THSD7B: variants seen among roughly 807,000 people sequenced by gnomAD.
THSD7B encodes the protein thrombospondin type-1 domain-containing protein 7B.
THSD7B carries 138 observed loss-of-function variants against 213.6 expected under a neutral mutation model. That is an observed-to-expected ratio of 0.65 (90% CI 0.56 to 0.74). The LOEUF (loss-of-function observed/expected upper bound fraction) is 0.74. Among genes scored for constraint, THSD7B ranks in the 30% least tolerant of loss-of-function variants. The probability of loss-of-function intolerance (pLI) is 0.00; values close to 1 mark genes in which losing one functional copy is unlikely to be tolerated. For missense variants in THSD7B, 1,931 were observed against 1,991.5 expected (o/e 0.97, Z 0.58); for synonymous variants, 742 against 687.0 (o/e 1.08, Z -1.25).
intron 1 of THSD7B, among the ~76,000 whole-genome samples, chr2:136,795,177 A>C (rs888358467): frequency 3.3e-5 from 5 of 152,002 alleles, no homozygotes; most frequent in African/African-American, 1.2e-4. Context: ...TAGGAGTCCA[A>C]AATGGCTCTC....
intron 15 of THSD7B, among the ~76,000 whole-genome samples, chr2:137,524,872 T>C (rs1680251417): frequency 6.6e-6 from 1 of 152,212 alleles, no homozygotes; most frequent in Non-Finnish European, 1.5e-5. Flanking sequence ...ATTTTGAATG[T>C]CATCACTGCT....
intron 2 of THSD7B, among the ~76,000 whole-genome samples, chr2:136,908,095 T>C (rs536812106): frequency 6.6e-6 from 1 of 152,326 alleles, no homozygotes; most frequent in Admixed American, 6.5e-5. Flanking sequence ...CTTCATTTTT[T>C]TAATAGTTTT....
At chr2:137,415,917 C>G (rs938175630) in intron 14 of THSD7B, among the ~76,000 whole-genome samples, 33 of 152,108 alleles carry the variant, frequency 2.2e-4, no homozygotes, top group African/African-American at 7.7e-4. Context: ...TATATATTTA[C>G]TTTTTAGAAA....
chr2:136,916,158 C>G (rs1684344898), intron 2 of THSD7B, among the ~76,000 whole-genome samples: 1 of 152,104 alleles, frequency 6.6e-6, no homozygotes, highest in Non-Finnish European at 1.5e-5. Context: ...CCACTACTAG[C>G]TACCACACAC....
intron 12 of THSD7B, among the ~76,000 whole-genome samples, chr2:137,375,068 A>T (rs1283254674): frequency 2.0e-5 from 3 of 152,226 alleles, no homozygotes; most frequent in Non-Finnish European, 4.4e-5. Context: ...ATCTCATTAC[A>T]GGTCCAATTA....
At chr2:136,959,586 T>C (rs1685184028) in intron 2 of THSD7B, among the ~76,000 whole-genome samples, 1 of 152,236 alleles carries the variant, frequency 6.6e-6, no homozygotes, top group South Asian at 2.1e-4. Flanking sequence ...ATAAATAATC[T>C]TGAATTTCCT....
chr2:137,138,400 T>C (rs1466352711), intron 5 of THSD7B, among the ~76,000 whole-genome samples: 2 of 152,158 alleles, frequency 1.3e-5, no homozygotes, highest in Non-Finnish European at 2.9e-5. Context: ...GCTTTTGGTG[T>C]TTGCAGTTTT....
chr2:137,335,125 C>T (rs1684608563), intron 12 of THSD7B, among the ~76,000 whole-genome samples: 1 of 152,166 alleles, frequency 6.6e-6, no homozygotes, highest in African/African-American at 2.4e-5. Flanking sequence ...AATCCAGTAA[C>T]CTACCCCAGA....
At chr2:137,368,440 A>G (rs983417502) in intron 12 of THSD7B, among the ~76,000 whole-genome samples, 10 of 151,880 alleles carry the variant, frequency 6.6e-5, no homozygotes, top group Non-Finnish European at 1.5e-4. Flanking sequence ...TGAAAATTAT[A>G]TTATGAGTAA....
chr2:137,049,115 A>T (rs1182750744), intron 2 of THSD7B, among the ~76,000 whole-genome samples: 3 of 152,218 alleles, frequency 2.0e-5, no homozygotes, highest in African/African-American at 7.2e-5. Flanking sequence ...TGGGATGAAA[A>T]CATTTCATAA....
intron 1 of THSD7B, among the ~76,000 whole-genome samples, chr2:136,783,413 T>A (rs1282435643): frequency 6.6e-6 from 1 of 152,056 alleles, no homozygotes; most frequent in Non-Finnish European, 1.5e-5. Flanking sequence ...GAATTTAAGA[T>A]GGGTACTCAT....
chr2:137,376,075 A>G (rs1013981073), intron 12 of THSD7B, among the ~76,000 whole-genome samples: 1 of 152,240 alleles, frequency 6.6e-6, no homozygotes, highest in Non-Finnish European at 1.5e-5. Flanking sequence ...GTTTCTCTAT[A>G]GCAATGAGAT....
At position 137,655,599 on chromosome 2, in the gene THSD7B, G is replaced by A; in HGVS notation, c.4044G>A (p.Leu1348=). ...SHAAGRVEDA[L]CGEMPFQDSI... ...CAGCTGGACGTGTCGAGGATGCACT[G>A]TGTGGAGAAATGCCCTTTCAGGACA... The change falls in exon 22 of 28, where the codon CTG becomes CTA. Residue 1348 remains leucine (L), a synonymous_variant. Transcript: ENST00000409968. The A allele has an allele frequency of 6.2e-7, 1 of 1,613,122 alleles. No individual in the cohort carries two copies. Among genetic ancestry groups the A allele is most frequent in the South Asian group, 1.1e-5 (1 of 90,784 alleles).
chr2:137,046,680 A>C (rs1317755558), intron 2 of THSD7B, among the ~76,000 whole-genome samples: 2 of 150,774 alleles, frequency 1.3e-5, no homozygotes, highest in African/African-American at 4.9e-5. Flanking sequence ...CAGTGAGCCA[A>C]GATCACGCCA....
intron 2 of THSD7B, among the ~76,000 whole-genome samples, chr2:136,958,143 G>A (rs544524071): frequency 6.6e-6 from 1 of 152,214 alleles, no homozygotes; most frequent in African/African-American, 2.4e-5. Flanking sequence ...GAGGATATAA[G>A]GAGAGATAGG....
chr2:136,890,395 C>CT (rs1558840037), intron 2 of THSD7B, among the ~76,000 whole-genome samples: 1 of 526 alleles, frequency 1.9e-3, no homozygotes, highest in African/African-American at 3.8e-3. Context: ...CTTCCTCTTC[C>CT]TCTTCCTCTT....
chr2:136,841,103 T>C (rs547416249), intron 1 of THSD7B, among the ~76,000 whole-genome samples: 104 of 152,218 alleles, frequency 6.8e-4, no homozygotes, highest in African/African-American at 2.5e-3. Context: ...AGGTAAGAAT[T>C]TCAAACCCCA....
intron 15 of THSD7B, among the ~76,000 whole-genome samples, chr2:137,508,648 C>T (rs1024361392): frequency 1.3e-5 from 2 of 151,594 alleles, no homozygotes; most frequent in African/African-American, 4.9e-5. Context: ...CTCGGCCTTC[C>T]AAAGTGCTGG....
chr2:136,878,124 AG>A (rs1683554970), intron 1 of THSD7B, among the ~76,000 whole-genome samples: 2 of 152,050 alleles, frequency 1.3e-5, no homozygotes, highest in African/African-American at 4.8e-5. Flanking sequence ...CCTGTGTCCA[AG>A]TATTCTCATT....
Sources: allele counts gnomAD v4.1 joint callset (sites outside exome capture counted in the v4.1 genomes callset), GRCh38; gene constraint gnomAD v4.1.1; transcripts MANE v1.5; gene names NCBI Gene and HGNC (gene_info 2026-07-23, HGNC 2026-07-21).